NRG3: variants seen among roughly 807,000 people sequenced by gnomAD.
NRG3 encodes the protein pro-neuregulin-3, membrane-bound isoform.
A neutral mutation model predicts 66.9 loss-of-function variants in NRG3; 31 were observed. The ratio of observed to expected loss-of-function variants is 0.46; its 90% CI spans 0.35 to 0.63. The LOEUF is 0.63. Among genes scored for constraint, NRG3 ranks in the 20% least tolerant of loss-of-function variants. NRG3 has a pLI of 0.00. For missense variants in NRG3, 910 were observed against 878.9 expected (o/e 1.04, Z -0.45); for synonymous variants, 393 against 359.4 (o/e 1.09, Z -1.06).
chr10:82,181,136 A>T (rs1240279256), intron 1 of NRG3, among the ~76,000 whole-genome samples: 1 of 151,420 alleles, frequency 6.6e-6, no homozygotes, highest in Non-Finnish European at 1.5e-5. Context: ...TCTTCATTTA[A>T]CTATTTTCTC....
chr10:82,423,197 A>T (rs942340794), intron 2 of NRG3, among the ~76,000 whole-genome samples: 4 of 151,962 alleles, frequency 2.6e-5, no homozygotes, highest in Admixed American at 2.0e-4. Flanking sequence ...TCAATGTAGC[A>T]TTGTATTTAA....
chr10:81,911,603 G>GGTTTTTTTTTTT (rs1306854861), intron 1 of NRG3, among the ~76,000 whole-genome samples: 1 of 77,944 alleles, frequency 1.3e-5, no homozygotes. Flanking sequence ...GCACAGACTT[G>GGTTTTTTTTTTT]TTTTTTTTTT....
At chr10:82,544,177 G>A (rs1346856061) in intron 2 of NRG3, among the ~76,000 whole-genome samples, 1 of 152,132 alleles carries the variant, frequency 6.6e-6, no homozygotes, top group Non-Finnish European at 1.5e-5. Context: ...ACTTCTAAAG[G>A]TGCTATATTG....
chr10:82,936,816 G>C (rs1848116028), intron 4 of NRG3, among the ~76,000 whole-genome samples: 1 of 152,094 alleles, frequency 6.6e-6, no homozygotes, highest in African/African-American at 2.4e-5. Context: ...TTAAACATAG[G>C]AGTAGGTTAC....
intron 1 of NRG3, among the ~76,000 whole-genome samples, chr10:82,056,360 T>C (rs966191952): frequency 6.6e-6 from 1 of 152,126 alleles, no homozygotes; most frequent in African/African-American, 2.4e-5. Context: ...GTTATGCTAC[T>C]GAAAGGAATG....
chr10:82,032,077 G>A (rs2062594057), intron 1 of NRG3, among the ~76,000 whole-genome samples: 2 of 151,018 alleles, frequency 1.3e-5, no homozygotes. Context: ...TTTAAATATT[G>A]GTTATGGGGT....
chr10:82,082,048 G>A (rs1400753934), intron 1 of NRG3, among the ~76,000 whole-genome samples: 1 of 152,062 alleles, frequency 6.6e-6, no homozygotes, highest in Non-Finnish European at 1.5e-5. Context: ...GGTTTCCAAG[G>A]TACAACTGTC....
At chr10:82,945,498 T>C (rs1051494899) in intron 4 of NRG3, among the ~76,000 whole-genome samples, 15 of 152,174 alleles carry the variant, frequency 9.9e-5, no homozygotes, top group Non-Finnish European at 1.8e-4. Flanking sequence ...TTCTGGAGGC[T>C]GGGAAGTCCA....
intron 2 of NRG3, among the ~76,000 whole-genome samples, chr10:82,575,622 T>C (rs953638134): frequency 4.0e-5 from 6 of 151,720 alleles, no homozygotes; most frequent in African/African-American, 2.4e-5. Context: ...GGCACAGTTG[T>C]TGATGGGGCT....
At chr10:82,562,622 A>G (rs2133030794) in intron 2 of NRG3, among the ~76,000 whole-genome samples, 2 of 152,308 alleles carry the variant, frequency 1.3e-5, no homozygotes, top group Middle Eastern at 6.8e-3. Context: ...GGCAACTCTC[A>G]GTAGCAGCTA....
At position 82,472,241 on chromosome 10, in the gene NRG3, C is replaced by T. The variant is rs190188213; in HGVS notation, c.953+113373C>T. 1.2e-4 allele frequency among the ~76,000 whole-genome samples: 18 copies of T among 152,156 alleles called. No individual in the cohort carries two copies. The East Asian group carries it at 2.7e-3, about 23-fold the overall frequency. ...CCTGGGGCATTGAACACATTTTATT[C>T]GAAATAGGTTTTGTATGGATGTGTG... On this transcript the variant is annotated intron_variant, in intron 2 of 8. Transcript: ENST00000372141.
intron 2 of NRG3, among the ~76,000 whole-genome samples, chr10:82,622,700 A>T (rs1482361216): frequency 6.6e-6 from 1 of 152,172 alleles, no homozygotes; most frequent in Admixed American, 6.5e-5. Context: ...AGGCAATCTC[A>T]AGGGTAAACA....
chr10:82,019,722 C>T (rs1378359777), intron 1 of NRG3, among the ~76,000 whole-genome samples: 13 of 152,062 alleles, frequency 8.5e-5, no homozygotes, highest in African/African-American at 9.6e-5. Context: ...AGTTTATTTG[C>T]GTAGAGGTGT....
intron 1 of NRG3, among the ~76,000 whole-genome samples, chr10:81,921,740 A>G (rs954122782): frequency 6.6e-5 from 10 of 152,092 alleles, no homozygotes; most frequent in African/African-American, 2.4e-4. Flanking sequence ...GAAATTTTCA[A>G]TAACTAGTAA....
chr10:82,163,256 G>T, intron 1 of NRG3, among the ~76,000 whole-genome samples: 1 of 152,078 alleles, frequency 6.6e-6, no homozygotes, highest in African/African-American at 2.4e-5. Flanking sequence ...GCCCACAACT[G>T]AAGGAGTGAC....
chr10:82,959,540 G>T (rs1459652770), intron 6 of NRG3, among the ~76,000 whole-genome samples: 1 of 152,168 alleles, frequency 6.6e-6, no homozygotes, highest in African/African-American at 2.4e-5. Flanking sequence ...GATGGGGGTA[G>T]ACTTGGGGGC....
At chr10:82,768,751 T>A (rs2059608966) in intron 3 of NRG3, among the ~76,000 whole-genome samples, 1 of 152,150 alleles carries the variant, frequency 6.6e-6, no homozygotes. Context: ...TTTCATCTGA[T>A]TAAGATAGAT....
intron 2 of NRG3, among the ~76,000 whole-genome samples, chr10:82,432,780 T>A (rs1018726975): frequency 8.5e-5 from 13 of 152,206 alleles, no homozygotes; most frequent in Non-Finnish European, 1.5e-5. Flanking sequence ...TCCGAGTCCC[T>A]GCAAAGACAT....
chr10:82,686,736 G>T (rs1241882599), intron 2 of NRG3, among the ~76,000 whole-genome samples: 1 of 152,164 alleles, frequency 6.6e-6, no homozygotes, highest in East Asian at 1.9e-4. Context: ...AATTAAAGTG[G>T]CTGTGTCTAA....
Sources: gnomAD v4.1 joint callset for allele counts (sites outside exome capture counted in the v4.1 genomes callset) on GRCh38, gnomAD v4.1.1 for gene constraint, MANE v1.5 for transcripts, NCBI Gene and HGNC (gene_info 2026-07-23, HGNC 2026-07-21) for gene names.